The following TKTL1 variants were observed in gnomAD, a reference collection of about 807,000 sequenced individuals.
TKTL1 encodes transketolase like 1.
Under a neutral mutation model 39.3 loss-of-function variants are expected in TKTL1, and 1 was observed. The ratio of observed to expected loss-of-function variants is 0.03; its 90% CI spans 0.01 to 0.12. The LOEUF (loss-of-function observed/expected upper bound fraction) is 0.12. TKTL1 is among the 10% of genes least tolerant of loss of function. The pLI is 1.00. For synonymous variants in TKTL1, 262 were observed against 193.8 expected (o/e 1.35, Z -2.92); for missense variants, 575 against 509.6 (o/e 1.13, Z -1.24).
intron 1 of TKTL1, among the ~76,000 whole-genome samples, chrX:154,301,256 C>T (rs1409616874): frequency 1.8e-5 from 2 of 110,050 alleles, no homozygotes; most frequent in Non-Finnish European, 3.8e-5. Context: ...TGGCTCATGC[C>T]TGTAATCCCA....
intron 7 of TKTL1, among the ~76,000 whole-genome samples, chrX:154,317,373 C>T (rs782522350): frequency 3.6e-5 from 4 of 111,205 alleles, no homozygotes; most frequent in South Asian, 3.8e-4. Context: ...AGGGGTCAGC[C>T]GTGTGCAGAT....
intron 1 of TKTL1, among the ~76,000 whole-genome samples, chrX:154,300,950 C>T (rs2067268823): frequency 9.1e-6 from 1 of 109,722 alleles, no homozygotes; most frequent in Admixed American, 9.7e-5. Flanking sequence ...CCATCTCGGC[C>T]TCCCAAAGTG....
At chrX:154,300,983 A>C (rs1326577914) in intron 1 of TKTL1, among the ~76,000 whole-genome samples, 1 of 109,616 alleles carries the variant, frequency 9.1e-6, no homozygotes, top group Non-Finnish European at 1.9e-5. Context: ...ATGTGAGCCA[A>C]CCGCGCCTGG....
Position 154,327,863 on chromosome X carries a change from T to C in TKTL1, c.1523T>C (p.Leu508Pro), listed in dbSNP as rs1238902969. The C allele has an allele frequency of 7.4e-6, 9 of 1,210,281 alleles. No homozygotes were observed. The highest frequency in any genetic ancestry group is 1.0e-5 in the Non-Finnish European group (9 of 895,240). Residue 508 changes from leucine (L) to proline (P), a missense_variant, in exon 12 of 13, where the codon CTG becomes CCG. By Grantham distance (98) the Leu-to-Pro change is moderately conservative. Transcript: ENST00000369915. ...GATATTTTTATCCGTGTCATCGACC[T>C]GTTTACCATTAAACCTCTGGATGTC... ...KQDIFIRVID[L>P]FTIKPLDVAT...
At chrX:154,313,481 G>A (rs1375278107) in intron 6 of TKTL1, among the ~76,000 whole-genome samples, 3 of 112,210 alleles carry the variant, frequency 2.7e-5, no homozygotes, top group South Asian at 3.6e-4. Context: ...GTAAGGCGGC[G>A]AGCCTAGGGA....
intron 7 of TKTL1, 137 bp downstream of exon 7, chrX:154,315,474 A>C: frequency 1.6e-6 from 1 of 638,288 alleles, no homozygotes; most frequent in Non-Finnish European, 2.4e-6. Context: ...GCAGGAGGCA[A>C]GTAGCCAGGT....
intron 1 of TKTL1, among the ~76,000 whole-genome samples, chrX:154,297,544 C>T (rs2067240329): frequency 8.9e-6 from 1 of 111,919 alleles, no homozygotes. Flanking sequence ...GCGTGAGCCA[C>T]CGCGCCTGGC....
chrX:154,316,460 G>A (rs1203198442), intron 7 of TKTL1, among the ~76,000 whole-genome samples: 1 of 111,529 alleles, frequency 9.0e-6, no homozygotes, highest in Non-Finnish European at 1.9e-5. Context: ...AGCTACTCGG[G>A]ACTCTAAGGC....
At chrX:154,321,865 G>A (rs1557170928) in intron 8 of TKTL1, among the ~76,000 whole-genome samples, 1 of 109,180 alleles carries the variant, frequency 9.2e-6, no homozygotes, top group African/African-American at 3.3e-5. Flanking sequence ...CACAGGTGGT[G>A]GCCAGAGAGA....
At chrX:154,300,051 T>G (rs1225012555) in intron 1 of TKTL1, among the ~76,000 whole-genome samples, 1 of 105,748 alleles carries the variant, frequency 9.5e-6, no homozygotes. Context: ...AGTCTTGCTC[T>G]GTCGCCCAGG....
intron 8 of TKTL1, among the ~76,000 whole-genome samples, chrX:154,322,616 A>G (rs1268693174): frequency 9.0e-6 from 1 of 111,646 alleles, no homozygotes; most frequent in East Asian, 2.8e-4. Flanking sequence ...GTGCATGGTG[A>G]CAATCCCCTT....
At chrX:154,323,965 TC>T (rs1216621061) in intron 9 of TKTL1, among the ~76,000 whole-genome samples, 1 of 112,672 alleles carries the variant, frequency 8.9e-6, no homozygotes, top group Non-Finnish European at 1.9e-5. Context: ...TCAGCAGGTT[TC>T]CCTTGCCACC....
Position 154,327,538 on chromosome X carries a change from A to G in TKTL1, c.1402-53A>G, listed in dbSNP as rs1307116013. ...ATAGCAAAGTGCCTTCCACTTTGAC[A>G]TGCATTCTGTGTGTAGTAACCACGG... On this transcript the variant is annotated intron_variant, in intron 10 of 12. Transcript: ENST00000369915. The G allele has an allele frequency of 5.1e-5, 55 of 1,071,749 alleles. No homozygotes were observed. The Admixed American group carries it at 6.8e-4, about 13-fold the overall frequency. 88.3% of individuals were successfully genotyped at this position (1,071,749 alleles called of 1,213,427 possible). A position where few individuals can be genotyped will look rare whatever the true frequency, so the allele number is the denominator to read the frequency against.
intron 1 of TKTL1, among the ~76,000 whole-genome samples, chrX:154,297,576 G>C (rs781850606): frequency 1.5e-4 from 17 of 111,728 alleles, no homozygotes; most frequent in African/African-American, 5.2e-4. Context: ...TTTTGTTGTA[G>C]TATTTGCTTT....
Position 154,323,216 on chromosome X carries a change from G to C in TKTL1, c.1196G>C (p.Gly399Ala), listed in dbSNP as rs782516762. 4.1e-6 allele frequency: 5 copies of C among 1,210,627 alleles called. No homozygotes were observed. The South Asian group carries it at 7.1e-5, about 17-fold the overall frequency. ...SHCGVSVGDD[G>A]ASQMALEDIA... ...GCTCTGGTTCTCTCAGGTGACGATG[G>C]TGCTTCCCAGATGGCCCTGGAGGAT... is the stretch of plus-strand genomic sequence containing the variant. The change falls in exon 9 of 13, where the codon GGT (glycine) becomes GCT (alanine). Residue 399 changes from glycine (G) to alanine (A), a missense_variant. By Grantham distance (60) the Gly-to-Ala change is moderately conservative. Coordinates refer to ENST00000369915, the MANE Select transcript of TKTL1 (RefSeq NM_012253.4).
At chrX:154,297,249 T>C (rs1320860421) in intron 1 of TKTL1, among the ~76,000 whole-genome samples, 2 of 110,786 alleles carry the variant, frequency 1.8e-5, no homozygotes, top group Non-Finnish European at 3.8e-5. Context: ...ACAGGTTTTT[T>C]TTGTTTTTTT....
chrX:154,327,499 T>C (rs2067501823), intron 10 of TKTL1, 92 bp from the exon 11 acceptor site: 1 of 754,340 alleles, frequency 1.3e-6, no homozygotes, highest in South Asian at 2.1e-5. Flanking sequence ...TTGTTAGAAT[T>C]GGGGGATAGC....
intron 1 of TKTL1, among the ~76,000 whole-genome samples, chrX:154,300,996 T>C (rs2067269196): frequency 9.1e-6 from 1 of 109,945 alleles, no homozygotes; most frequent in Non-Finnish European, 1.9e-5. Context: ...GCGCCTGGCC[T>C]AGGGTTTTCT....
chrX:154,307,650 A>G (rs1010665417), intron 2 of TKTL1, among the ~76,000 whole-genome samples: 9 of 112,667 alleles, frequency 8.0e-5, no homozygotes, highest in African/African-American at 2.9e-4. Context: ...CATTGCACCC[A>G]TAAAGTCTTT....
Sources: gnomAD v4.1 joint callset for allele counts (sites outside exome capture counted in the v4.1 genomes callset) on GRCh38, gnomAD v4.1.1 for gene constraint, MANE v1.5 for transcripts, NCBI Gene and HGNC (gene_info 2026-07-23, HGNC 2026-07-21) for gene names.